DYRK4: variants seen among roughly 807,000 people sequenced by gnomAD.
DYRK4 encodes the protein dual specificity tyrosine-phosphorylation-regulated kinase 4.
A neutral mutation model predicts 68.3 loss-of-function variants in DYRK4; 64 were observed. The observed-to-expected ratio is 0.94, with a 90% CI of 0.77 to 1.15. DYRK4 has a LOEUF of 1.15. Among genes scored for constraint, DYRK4 ranks in the 50% most tolerant of loss-of-function variants. DYRK4 has a pLI of 0.00. For missense variants in DYRK4, 740 were observed against 764.7 expected, an observed-to-expected ratio of 0.97 and a Z score of 0.38; for synonymous variants, 274 against 289.9, an observed-to-expected ratio of 0.95 and a Z score of 0.56.
At position 4,613,835 on chromosome 12, in the gene DYRK4, G is replaced by GT. The variant is rs1945259045; in HGVS notation, c.*90dup. On this transcript the variant is annotated 3_prime_UTR_variant, in exon 15 of 15. Transcript: ENST00000543431. This position sits in a 1 kb window ranked among gnomAD's most constrained non-coding sequence, Gnocchi z 4.0. Reference sequence around the variant, plus strand: ...CTTATATTGTACAATACTTCAGACTGTTTTTTTTAAATACATAAAACTTTA... The same window carrying GT: ...CTTATATTGTACAATACTTCAGACTGTTTTTTTTTAAATACATAAAACTTTA... 2.2e-5 allele frequency: 30 copies of GT among 1,360,524 alleles called. No individual in the cohort carries two copies. Among genetic ancestry groups the GT allele is most frequent in the South Asian group, 7.6e-5 (3 of 39,504 alleles). The allele number at this position is 1,360,524 out of a possible 1,614,324, so 84.3% of individuals were successfully genotyped here.
In DYRK4 at chr12:4,599,807, C is replaced by T. The variant is rs12296308; in HGVS notation, c.1126+19C>T. The T allele has an allele frequency of 8.3e-4, 1,334 of 1,606,424 alleles. 10 individuals are homozygous for T. In the African/African-American group the frequency reaches 0.016, roughly 19 times the overall value. ...CAGAAAGGTGAGCCCCATGTCAGTC[C>T]CATCATCTGAGTTTTCCTATTGCAA... On this transcript the variant is annotated intron_variant, in intron 10 of 14. Coordinates refer to ENST00000543431, the MANE Select transcript of DYRK4 (RefSeq NM_001394779.1).
chr12:4,595,610 T>C (rs1945008155), intron 6 of DYRK4, among the ~76,000 whole-genome samples: 2 of 152,096 alleles, frequency 1.3e-5, no homozygotes, highest in Admixed American at 6.5e-5. Flanking sequence ...TAAATCCCAG[T>C]AAGCCCAAAG....
At chr12:4,597,177 A>G (rs1404181923) in intron 8 of DYRK4, 1 of 1,011,740 alleles carries the variant, frequency 9.9e-7, no homozygotes, top group Non-Finnish European at 1.2e-6. Context: ...AAGAGCAGAT[A>G]TTTTTGGTAA....
chr12:4,590,027 A>G (rs894647513), intron 3 of DYRK4: 1 of 635,798 alleles, frequency 1.6e-6, no homozygotes, highest in Non-Finnish European at 2.1e-6. Context: ...GGTAGGCCCC[A>G]TTTTTGTTCC....
At chr12:4,595,305 C>T (rs1256841411) in intron 6 of DYRK4, among the ~76,000 whole-genome samples, 2 of 152,210 alleles carry the variant, frequency 1.3e-5, no homozygotes, top group Non-Finnish European at 2.9e-5. Context: ...TAATCCTTCA[C>T]CTCTCCCAAA....
intron 5 of DYRK4, 47 bp from the exon 6 acceptor site, chr12:4,592,955 C>T: frequency 6.3e-7 from 1 of 1,588,214 alleles, no homozygotes; most frequent in Non-Finnish European, 8.6e-7. Flanking sequence ...CGGGGCAAAT[C>T]CCATGCTGCC....
At chr12:4,592,125 C>T (rs368050342) in intron 5 of DYRK4, among the ~76,000 whole-genome samples, 5 of 152,098 alleles carry the variant, frequency 3.3e-5, no homozygotes, top group African/African-American at 9.7e-5. Flanking sequence ...TAAACAACTC[C>T]GGGAACTATG....
chr12:4,609,773 T>C (rs1016781739), intron 12 of DYRK4, among the ~76,000 whole-genome samples: 1 of 152,230 alleles, frequency 6.6e-6, no homozygotes, highest in African/African-American at 2.4e-5. Context: ...GAAATGGATA[T>C]TTGTACAATT....
Position 4,591,433 on chromosome 12 carries a change from T to A in DYRK4, c.463+135T>A. ...AGAAGGCAGCCAGCCAAGAGGAAAG[T>A]AGAAGTTAAGCGTTGAACCTCTGAC... On this transcript the variant is annotated intron_variant, in intron 5 of 14. Coordinates refer to ENST00000543431, the MANE Select transcript of DYRK4 (RefSeq NM_001394779.1). The surrounding 1 kb of genome is among the most constrained non-coding windows in gnomAD (Gnocchi z 4.1). 2.3e-6 allele frequency: 3 copies of A among 1,281,930 alleles called. No individual in the cohort carries two copies. Among genetic ancestry groups the A allele is most frequent in the Non-Finnish European group, 3.2e-6 (3 of 945,080 alleles). The allele number at this position is 1,281,930 out of a possible 1,614,324, so 79.4% of individuals were successfully genotyped here.
chr12:4,576,732 T>G (rs953776791), intron 2 of DYRK4, among the ~76,000 whole-genome samples: 2 of 152,236 alleles, frequency 1.3e-5, no homozygotes, highest in African/African-American at 4.8e-5. Flanking sequence ...GGCATCTCAT[T>G]GTTTTAATTT....
chr12:4,601,684 G>T (rs1487899309), intron 10 of DYRK4, among the ~76,000 whole-genome samples: 1 of 152,006 alleles, frequency 6.6e-6, no homozygotes, highest in African/African-American at 2.4e-5. Flanking sequence ...AAGAGCTTAG[G>T]GTTGAATTTT....
intron 11 of DYRK4, among the ~76,000 whole-genome samples, chr12:4,606,681 C>A (rs11063260): frequency 0.25 from 38,022 of 152,020 alleles, 5,344 homozygotes; most frequent in East Asian, 0.39. Flanking sequence ...AGAACGGGGC[C>A]TATGTTTCAA....
chr12:4,589,478 A>G (rs1944930294), intron 3 of DYRK4, among the ~76,000 whole-genome samples: 1 of 152,120 alleles, frequency 6.6e-6, no homozygotes, highest in Admixed American at 6.6e-5. Flanking sequence ...TCCCCTGACC[A>G]CTACCCTTCC....
chr12:4,606,733 T>C (rs1451649245), intron 11 of DYRK4, among the ~76,000 whole-genome samples: 1 of 152,188 alleles, frequency 6.6e-6, no homozygotes, highest in Non-Finnish European at 1.5e-5. Context: ...CCTCTTGACC[T>C]CAGTGTCAAA....
chr12:4,577,692 G>T (rs991256387), intron 2 of DYRK4, among the ~76,000 whole-genome samples: 1 of 152,178 alleles, frequency 6.6e-6, no homozygotes, highest in African/African-American at 2.4e-5. Flanking sequence ...GATTGGGATT[G>T]TGTTGAATCT....
intron 9 of DYRK4, 184 bp from the exon 10 acceptor site, chr12:4,599,523 C>G (rs181800937): frequency 1.7e-6 from 1 of 581,274 alleles, no homozygotes; most frequent in East Asian, 2.9e-5. Context: ...GAATGAGAAA[C>G]GCCGACCACA....
At chr12:4,595,330 A>C (rs974977070) in intron 6 of DYRK4, among the ~76,000 whole-genome samples, 9 of 152,352 alleles carry the variant, frequency 5.9e-5, no homozygotes, top group African/African-American at 1.9e-4. Flanking sequence ...TGAGTGTAAC[A>C]CTAGAAATTA....
At chr12:4,605,814 G>A (rs1335701376) in intron 11 of DYRK4, among the ~76,000 whole-genome samples, 6 of 142,038 alleles carry the variant, frequency 4.2e-5, no homozygotes, top group African/African-American at 1.6e-4. Flanking sequence ...GCCCGGGCTC[G>A]GGATCAATGT....
At chr12:4,589,711 T>A (rs1944932320) in intron 3 of DYRK4, among the ~76,000 whole-genome samples, 2 of 152,248 alleles carry the variant, frequency 1.3e-5, no homozygotes, top group African/African-American at 4.8e-5. Context: ...TATCACATTT[T>A]CTTTATTCAT....
Sources: gnomAD v4.1 joint callset for allele counts (sites outside exome capture counted in the v4.1 genomes callset) on GRCh38, gnomAD v4.1.1 for gene constraint, Gnocchi (gnomAD v3.1) non-coding constraint, MANE v1.5 for transcripts, NCBI Gene and HGNC (gene_info 2026-07-23, HGNC 2026-07-21) for gene names.